The following LRFN2 variants were observed in gnomAD, a reference collection of about 807,000 sequenced individuals.
LRFN2 encodes leucine rich repeat and fibronectin type III domain containing 2.
A neutral mutation model predicts 37.3 loss-of-function variants in LRFN2; 18 were observed. The observed-to-expected ratio is 0.48, with a 90% CI of 0.33 to 0.72. The LOEUF is 0.72. Ranked by LOEUF, LRFN2 falls within the 30% of genes least tolerant of loss-of-function variation. The pLI, the probability that LRFN2 is intolerant of heterozygous loss-of-function variation, is 0.02. For synonymous variants in LRFN2, 556 were observed against 466.6 expected (o/e 1.19, Z -2.47); for missense variants, 1,006 against 1,060.7 (o/e 0.95, Z 0.72).
chr6:40,528,086 C>T (rs1400851855), intron 1 of LRFN2, among the ~76,000 whole-genome samples: 1 of 152,222 alleles, frequency 6.6e-6, no homozygotes, highest in Non-Finnish European at 1.5e-5. Flanking sequence ...AATTCAAACC[C>T]AGGTTTCTTC....
chr6:40,426,577 G>A (rs1447130123), intron 2 of LRFN2, among the ~76,000 whole-genome samples: 1 of 152,196 alleles, frequency 6.6e-6, no homozygotes, highest in Non-Finnish European at 1.5e-5. Context: ...AGAGACATGT[G>A]TAAGGCTGTT....
At chr6:40,417,136 C>A (rs79888466) in intron 2 of LRFN2, among the ~76,000 whole-genome samples, 2 of 152,202 alleles carry the variant, frequency 1.3e-5, no homozygotes, top group Non-Finnish European at 2.9e-5. Flanking sequence ...TCCACTCAGA[C>A]CTTTTTCCTA....
intron 1 of LRFN2, among the ~76,000 whole-genome samples, chr6:40,464,133 A>G (rs1764407471): frequency 6.6e-6 from 1 of 152,194 alleles, no homozygotes; most frequent in Non-Finnish European, 1.5e-5. Flanking sequence ...ACACTGCATT[A>G]TAATGATTTC....
intron 1 of LRFN2, among the ~76,000 whole-genome samples, chr6:40,486,211 G>A (rs1278945756): frequency 1.3e-5 from 2 of 152,178 alleles, no homozygotes; most frequent in Non-Finnish European, 2.9e-5. Context: ...TGGGCAGTGG[G>A]AGTGGGGCTG....
chr6:40,538,637 T>C (rs1165365398), intron 1 of LRFN2, among the ~76,000 whole-genome samples: 1 of 152,254 alleles, frequency 6.6e-6, no homozygotes, highest in African/African-American at 2.4e-5. Context: ...ATTACAGCTT[T>C]CTACTGGCAC....
At chr6:40,555,145 G>C (rs1390699601) in intron 1 of LRFN2, among the ~76,000 whole-genome samples, 9 of 152,152 alleles carry the variant, frequency 5.9e-5, no homozygotes, top group Admixed American at 3.9e-4. Context: ...CGCTCTGCTG[G>C]GGGCCCCTCT....
intron 1 of LRFN2, among the ~76,000 whole-genome samples, chr6:40,514,800 A>T (rs1317361465): frequency 2.0e-5 from 3 of 152,236 alleles, no homozygotes; most frequent in Admixed American, 6.5e-5. Flanking sequence ...TCCCACCCTC[A>T]TAATACCTAT....
At chr6:40,514,845 G>T (rs1398090794) in intron 1 of LRFN2, among the ~76,000 whole-genome samples, 1 of 152,162 alleles carries the variant, frequency 6.6e-6, no homozygotes, top group African/African-American at 2.4e-5. Flanking sequence ...TGGGGAAAAT[G>T]CTGTCAAACA....
At chr6:40,513,935 C>G (rs1456051792) in intron 1 of LRFN2, among the ~76,000 whole-genome samples, 2 of 151,776 alleles carry the variant, frequency 1.3e-5, no homozygotes, top group African/African-American at 4.8e-5. Context: ...CTGGGTGACC[C>G]TGGAGAGCTA....
intron 1 of LRFN2, among the ~76,000 whole-genome samples, chr6:40,521,019 G>A (rs2113899784): frequency 6.6e-6 from 1 of 152,300 alleles, no homozygotes; most frequent in South Asian, 2.1e-4. Flanking sequence ...AAGAGTGCAG[G>A]GAGGCAGACT....
chr6:40,441,742 C>T (rs950667809), intron 1 of LRFN2, among the ~76,000 whole-genome samples: 1 of 152,102 alleles, frequency 6.6e-6, no homozygotes, highest in African/African-American at 2.4e-5. Context: ...GGTGTGAGTA[C>T]GTGGGGGCCC....
At chr6:40,524,142 A>G (rs1278383758) in intron 1 of LRFN2, among the ~76,000 whole-genome samples, 1 of 152,260 alleles carries the variant, frequency 6.6e-6, no homozygotes, top group Non-Finnish European at 1.5e-5. Flanking sequence ...CTGTTTTCTT[A>G]GCACACAGAG....
intron 1 of LRFN2, among the ~76,000 whole-genome samples, chr6:40,489,203 A>G (rs983525369): frequency 1.3e-5 from 2 of 152,166 alleles, no homozygotes; most frequent in South Asian, 4.1e-4. Context: ...GCTTTAGTGT[A>G]TTTGAAAACC....
At chr6:40,548,739 G>A (rs1377315005) in intron 1 of LRFN2, among the ~76,000 whole-genome samples, 3 of 152,144 alleles carry the variant, frequency 2.0e-5, no homozygotes, top group Admixed American at 2.0e-4. Flanking sequence ...AAGACTGTTG[G>A]GAGAATGTAT....
chr6:40,443,652 G>A (rs549635354), intron 1 of LRFN2, among the ~76,000 whole-genome samples: 3 of 152,264 alleles, frequency 2.0e-5, no homozygotes, highest in East Asian at 3.9e-4. Flanking sequence ...TGCAGTTCTG[G>A]GGAGAAGGGG....
chr6:40,409,017 G>A (rs763738600), intron 2 of LRFN2, among the ~76,000 whole-genome samples: 2 of 152,160 alleles, frequency 1.3e-5, no homozygotes, highest in Non-Finnish European at 2.9e-5. Context: ...GAGCCCCCTC[G>A]GTAGCCACAA....
intron 2 of LRFN2, among the ~76,000 whole-genome samples, chr6:40,395,599 C>T (rs1762599463): frequency 6.6e-6 from 1 of 152,144 alleles, no homozygotes; most frequent in South Asian, 2.1e-4. Flanking sequence ...ATGGCAGGAG[C>T]TAAGCACACC....
intron 1 of LRFN2, among the ~76,000 whole-genome samples, chr6:40,478,939 T>G (rs1764765581): frequency 6.6e-6 from 1 of 152,240 alleles, no homozygotes; most frequent in Non-Finnish European, 1.5e-5. Flanking sequence ...CACCACTCCC[T>G]TCTCTGGGCT....
intron 1 of LRFN2, among the ~76,000 whole-genome samples, chr6:40,538,967 C>T (rs1314686097): frequency 6.6e-6 from 1 of 152,218 alleles, no homozygotes; most frequent in Admixed American, 6.5e-5. Flanking sequence ...GTATTCACCT[C>T]ACCCTGTTCT....
Sources: allele counts gnomAD v4.1 joint callset (sites outside exome capture counted in the v4.1 genomes callset), GRCh38; gene constraint gnomAD v4.1.1; transcripts MANE v1.5; gene names NCBI Gene and HGNC (gene_info 2026-07-23, HGNC 2026-07-21).